Variants in CDH18 observed in about 807,000 individuals in gnomAD.
CDH18 encodes cadherin 18, also known as cadherin-18.
A neutral mutation model predicts 67.9 loss-of-function variants in CDH18; 31 were observed. The observed-to-expected ratio is 0.46, with a 90% CI of 0.34 to 0.62. The LOEUF is 0.62. Ranked by LOEUF, CDH18 falls within the 20% of genes least tolerant of loss-of-function variation. The probability of loss-of-function intolerance (pLI) is 0.01; values close to 1 mark genes in which losing one functional copy is unlikely to be tolerated. For synonymous variants in CDH18, 362 were observed against 347.2 expected (o/e 1.04, Z -0.48); for missense variants, 890 against 975.5 (o/e 0.91, Z 1.17).
intron 6 of CDH18, among the ~76,000 whole-genome samples, chr5:19,599,381 A>G (rs72739110): frequency 0.22 from 33,878 of 152,066 alleles, 4,296 homozygotes; most frequent in East Asian, 0.39. Flanking sequence ...GCAAGAATTT[A>G]TTTTTCAAGT....
chr5:19,902,676 T>C (rs1325034769), intron 2 of CDH18, among the ~76,000 whole-genome samples: 1 of 152,220 alleles, frequency 6.6e-6, no homozygotes, highest in African/African-American at 2.4e-5. Context: ...AGGTGTGAGA[T>C]AACCATTATT....
At chr5:20,128,588 T>C (rs1410092573) in intron 2 of CDH18, among the ~76,000 whole-genome samples, 7 of 152,048 alleles carry the variant, frequency 4.6e-5, no homozygotes, top group Non-Finnish European at 1.0e-4. Context: ...TGTCCACACA[T>C]TTCTCTATCT....
chr5:19,754,921 A>C (rs955136227), intron 3 of CDH18, among the ~76,000 whole-genome samples: 10 of 152,192 alleles, frequency 6.6e-5, no homozygotes, highest in Non-Finnish European at 1.0e-4. Context: ...GCCCTGGGTC[A>C]AAAACAAAAG....
At position 20,302,703 on chromosome 5, in the gene CDH18, A is replaced by G. The variant is rs1175235951; in HGVS notation, c.-579-47198T>C. ...GCCACTGTACCGTCCGCAATTATTC[A>G]GACTACTCTTTTCTAAATGAGAATG... On this transcript the variant is annotated intron_variant, in intron 1 of 14. Coordinates refer to the CDH18 transcript ENST00000507958. 2.0e-5 allele frequency among the ~76,000 whole-genome samples: 3 copies of G among 152,344 alleles called. No individual in the cohort carries two copies. The South Asian group carries it at 6.2e-4, about 32-fold the overall frequency.
chr5:20,096,096 G>A (rs942722030), intron 2 of CDH18, among the ~76,000 whole-genome samples: 9 of 151,990 alleles, frequency 5.9e-5, no homozygotes, highest in Non-Finnish European at 8.8e-5. Context: ...AAGAGATATT[G>A]ACTAAAATTC....
chr5:19,734,382 T>C (rs535485489), intron 4 of CDH18, among the ~76,000 whole-genome samples: 2 of 152,314 alleles, frequency 1.3e-5, no homozygotes, highest in East Asian at 3.9e-4. Flanking sequence ...TATTTGTCTA[T>C]TGATAAGAAC....
intron 3 of CDH18, among the ~76,000 whole-genome samples, chr5:19,795,649 C>A (rs11742198): frequency 0.42 from 64,430 of 151,858 alleles, 14,220 homozygotes; most frequent in Middle Eastern, 0.58. Context: ...GACTCTGAAT[C>A]TTCTATCATA....
At chr5:20,017,427 T>C (rs373566334) in intron 2 of CDH18, among the ~76,000 whole-genome samples, 7 of 152,290 alleles carry the variant, frequency 4.6e-5, no homozygotes, top group African/African-American at 1.4e-4. Context: ...TGAGTAGTAT[T>C]GGGCTAATGT....
chr5:20,565,397 T>G (rs1002868286), intron 1 of CDH18, among the ~76,000 whole-genome samples: 2 of 152,174 alleles, frequency 1.3e-5, no homozygotes, highest in African/African-American at 4.8e-5. Context: ...TAGTTCCTGC[T>G]GCTTACTTGG....
At chr5:20,369,063 C>T (rs1445253867) in intron 1 of CDH18, among the ~76,000 whole-genome samples, 1 of 152,056 alleles carries the variant, frequency 6.6e-6, no homozygotes, top group Non-Finnish European at 1.5e-5. Flanking sequence ...TCTTCTTCTT[C>T]TTCTCAGCTT....
At chr5:20,484,884 G>A (rs575638843) in intron 1 of CDH18, among the ~76,000 whole-genome samples, 1 of 152,094 alleles carries the variant, frequency 6.6e-6, no homozygotes, top group African/African-American at 2.4e-5. Flanking sequence ...GCACAATGGG[G>A]TGACTACAGT....
intron 2 of CDH18, among the ~76,000 whole-genome samples, chr5:19,942,345 C>T (rs1202325747): frequency 6.6e-6 from 1 of 152,090 alleles, no homozygotes; most frequent in Non-Finnish European, 1.5e-5. Context: ...TGGCCCTTGC[C>T]AATAAGTACA....
At chr5:20,217,687 T>C (rs908976496) in intron 2 of CDH18, among the ~76,000 whole-genome samples, 1 of 151,558 alleles carries the variant, frequency 6.6e-6, no homozygotes, top group South Asian at 2.1e-4. Flanking sequence ...AATAATACCA[T>C]TGAATATAAA....
At chr5:19,957,548 T>A (rs765739315) in intron 2 of CDH18, among the ~76,000 whole-genome samples, 1 of 151,906 alleles carries the variant, frequency 6.6e-6, no homozygotes, top group Non-Finnish European at 1.5e-5. Context: ...GACCAAAATG[T>A]TTCTATTTAG....
chr5:20,206,251 T>G (rs185854271), intron 2 of CDH18, among the ~76,000 whole-genome samples: 174 of 151,810 alleles, frequency 1.1e-3, no homozygotes, highest in Admixed American at 4.4e-3. Flanking sequence ...AACTGAAAAG[T>G]TCCTGGACAC....
At chr5:19,487,556 A>T (rs1411054292) in intron 11 of CDH18, among the ~76,000 whole-genome samples, 1 of 152,184 alleles carries the variant, frequency 6.6e-6, no homozygotes, top group Non-Finnish European at 1.5e-5. Context: ...ATGTCCAGAA[A>T]ATTTTGGAAA....
chr5:20,059,673 T>C (rs948820039), intron 2 of CDH18, among the ~76,000 whole-genome samples: 3 of 152,216 alleles, frequency 2.0e-5, no homozygotes, highest in East Asian at 1.9e-4. Flanking sequence ...CGTATGTTTA[T>C]TGCAGCACTG....
chr5:19,498,536 ATTCCT>A (rs1742716857), intron 11 of CDH18, among the ~76,000 whole-genome samples: 1 of 152,220 alleles, frequency 6.6e-6, no homozygotes. Context: ...CAGCCAAAAT[ATTCCT>A]TTAGAAATCG....
At chr5:20,188,651 T>C (rs1738289922) in intron 2 of CDH18, among the ~76,000 whole-genome samples, 1 of 151,990 alleles carries the variant, frequency 6.6e-6, no homozygotes, top group Non-Finnish European at 1.5e-5. Flanking sequence ...AGATGGTAAA[T>C]AGTGGGACTG....
Sources: allele counts gnomAD v4.1 joint callset (sites outside exome capture counted in the v4.1 genomes callset), GRCh38; gene constraint gnomAD v4.1.1; transcripts MANE v1.5; gene names NCBI Gene and HGNC (gene_info 2026-07-23, HGNC 2026-07-21).